HMGCLL1: variants seen among roughly 807,000 people sequenced by gnomAD.
HMGCLL1 encodes the protein 3-hydroxy-3-methylglutaryl-CoA lyase like 1.
A neutral mutation model predicts 39.1 loss-of-function variants in HMGCLL1; 36 were observed. The observed-to-expected ratio is 0.92, with a 90% CI of 0.71 to 1.22. HMGCLL1 has a LOEUF of 1.22. Ranked by LOEUF, HMGCLL1 falls within the 50% of genes most tolerant of loss-of-function variation. HMGCLL1 has a pLI of 0.00. For synonymous variants in HMGCLL1, 149 were observed against 144.0 expected (o/e 1.03, Z -0.25); for missense variants, 451 against 416.5 (o/e 1.08, Z -0.72).
the HMGCLL1 span, among the ~76,000 whole-genome samples, chr6:55,654,473 T>A: frequency 6.6e-6 from 1 of 151,918 alleles, no homozygotes; most frequent in Non-Finnish European, 1.5e-5. Flanking sequence ...TGAGCATATA[T>A]CCACCATAAT....
chr6:55,660,298 C>A, the HMGCLL1 span, among the ~76,000 whole-genome samples: 1 of 151,666 alleles, frequency 6.6e-6, no homozygotes, highest in African/African-American at 2.4e-5. Flanking sequence ...TTTTTTTGTG[C>A]AGATTATTTT....
intron 1 of HMGCLL1, among the ~76,000 whole-genome samples, chr6:55,570,660 A>G (rs540581131): frequency 2.0e-5 from 3 of 152,170 alleles, no homozygotes; most frequent in East Asian, 1.9e-4. Context: ...TCCATCCAAT[A>G]TTTGGTTTTC....
At chr6:55,631,280 C>T in the HMGCLL1 span, among the ~76,000 whole-genome samples, 2 of 151,880 alleles carry the variant, frequency 1.3e-5, no homozygotes, top group East Asian at 1.9e-4. Context: ...AATTTTTAGG[C>T]GTTCCTCATT....
At position 55,499,372 on chromosome 6, in the gene HMGCLL1, T is replaced by G. The variant is rs1766759385; in HGVS notation, c.543-73A>C. 10 of 1,184,628 alleles carry G rather than the reference T, an allele frequency of 8.4e-6. No homozygotes were observed. In the East Asian group the frequency reaches 2.5e-4, roughly 30 times the overall value. The allele number at this position is 1,184,628 out of a possible 1,614,324, so 73.4% of individuals were successfully genotyped here. ...ATTTCCATTTTATAAAAATTAAGAA[T>G]TAGCTGAAACTGCATCAAGAAAATT... On this transcript the variant is annotated intron_variant, in intron 5 of 8. Transcript: ENST00000274901.
chr6:55,522,801 G>T (rs985841294), intron 3 of HMGCLL1, among the ~76,000 whole-genome samples: 1 of 151,976 alleles, frequency 6.6e-6, no homozygotes, highest in African/African-American at 2.4e-5. Flanking sequence ...GTTTTGGGTG[G>T]TTCTGTATTA....
chr6:55,498,253 A>G (rs1464991593), intron 6 of HMGCLL1, among the ~76,000 whole-genome samples: 3 of 152,168 alleles, frequency 2.0e-5, no homozygotes, highest in Non-Finnish European at 2.9e-5. Context: ...AAAAATATAT[A>G]TACAATTGTG....
intron 1 of HMGCLL1, among the ~76,000 whole-genome samples, chr6:55,555,900 A>C (rs1439567569): frequency 6.6e-6 from 1 of 152,194 alleles, no homozygotes; most frequent in African/African-American, 2.4e-5. Context: ...AACGGAATAC[A>C]CATGTTTCTG....
At chr6:55,586,675 G>A in the HMGCLL1 span, among the ~76,000 whole-genome samples, 1 of 151,580 alleles carries the variant, frequency 6.6e-6, no homozygotes. Context: ...ATAGTTTGCT[G>A]GAGAATGATG....
chr6:55,666,211 C>G, the HMGCLL1 span, among the ~76,000 whole-genome samples: 6 of 151,434 alleles, frequency 4.0e-5, no homozygotes, highest in Non-Finnish European at 7.4e-5. Context: ...CCAGCATGAT[C>G]CAGCCATGCA....
At chr6:55,449,986 C>A (rs1023224956) in intron 7 of HMGCLL1, among the ~76,000 whole-genome samples, 6 of 152,056 alleles carry the variant, frequency 3.9e-5, no homozygotes, top group African/African-American at 1.4e-4. Flanking sequence ...AAAATGATCT[C>A]ATCTTGACTT....
Position 55,495,560 on chromosome 6 carries a change from T to C in HMGCLL1, c.654A>G (p.Gly218=), listed in dbSNP as rs1766532610. The C allele has an allele frequency of 6.2e-7, 1 of 1,613,420 alleles. No homozygotes were observed. The highest frequency in any genetic ancestry group is 1.7e-5 in the Admixed American group (1 of 59,940). The change falls in exon 7 of 9, where the codon GGA becomes GGG. Residue 218 remains glycine, a synonymous_variant. Transcript: ENST00000274901. ...CTGGAGTTCCCACTCCAATTGTGTC[T>C]CCTAGAGAGATCTCATAACAACCCA... is the stretch of plus-strand genomic sequence containing the variant. The part of the protein sequence containing the change: ...YGMGCYEISL[G]DTIGVGTPGS...
chr6:55,650,114 T>TATAC, the HMGCLL1 span, among the ~76,000 whole-genome samples: 1 of 78,700 alleles, frequency 1.3e-5, no homozygotes, highest in African/African-American at 5.9e-5. Context: ...TATATATATA[T>TATAC]ATATATATAT....
intron 1 of HMGCLL1, among the ~76,000 whole-genome samples, chr6:55,553,807 G>A (rs1008623428): frequency 6.6e-6 from 1 of 151,978 alleles, no homozygotes; most frequent in African/African-American, 2.4e-5. Flanking sequence ...TTTAAAATTT[G>A]CAATGAAAGG....
At chr6:55,567,633 G>T (rs888502238) in intron 1 of HMGCLL1, among the ~76,000 whole-genome samples, 11 of 152,138 alleles carry the variant, frequency 7.2e-5, no homozygotes, top group African/African-American at 2.7e-4. Context: ...GCAGGGAAAA[G>T]AAATTAACAT....
At chr6:55,665,192 T>G in the HMGCLL1 span, among the ~76,000 whole-genome samples, 1 of 151,736 alleles carries the variant, frequency 6.6e-6, no homozygotes, top group Non-Finnish European at 1.5e-5. Flanking sequence ...TGTATCTCGA[T>G]AATGCAAGAA....
the HMGCLL1 span, among the ~76,000 whole-genome samples, chr6:55,637,251 C>T: frequency 6.6e-6 from 1 of 152,096 alleles, no homozygotes; most frequent in African/African-American, 2.4e-5. Context: ...AAAATGAGAG[C>T]TCCCTCTGAG....
Position 55,565,643 on chromosome 6 carries a change from T to C in HMGCLL1, c.108+13305A>G, listed in dbSNP as rs150083669. Among the ~76,000 whole-genome samples the C allele has an allele frequency of 4.5e-4, 69 of 152,246 alleles. 1 individual carries two copies. The highest frequency in any genetic ancestry group is 1.6e-3 in the African/African-American group (67 of 41,578). ...ACAAATTCTTCAAAGAGCAAGTAGA[T>C]TTAAGGGATCCAGCTCTCTAGAGAT... On this transcript the variant is annotated intron_variant, in intron 1 of 8. Transcript: ENST00000274901.
chr6:55,561,702 T>G (rs567943036), intron 1 of HMGCLL1, among the ~76,000 whole-genome samples: 1 of 152,308 alleles, frequency 6.6e-6, no homozygotes, highest in African/African-American at 2.4e-5. Context: ...GAACAACTCT[T>G]CTATCAGTAT....
intron 1 of HMGCLL1, among the ~76,000 whole-genome samples, chr6:55,554,759 C>T (rs1017532949): frequency 7.9e-5 from 12 of 152,250 alleles, no homozygotes; most frequent in African/African-American, 2.6e-4. Context: ...AGGTCTAAGG[C>T]GTTTGTTCTA....
Sources: allele counts gnomAD v4.1 joint callset (sites outside exome capture counted in the v4.1 genomes callset), GRCh38; gene constraint gnomAD v4.1.1; transcripts MANE v1.5; gene names NCBI Gene and HGNC (gene_info 2026-07-23, HGNC 2026-07-21).